ZSWIM6: variants seen among roughly 807,000 people sequenced by gnomAD.
The protein encoded by ZSWIM6 is zinc finger SWIM-type containing 6, also known as zinc finger SWIM domain-containing protein 6.
ZSWIM6 carries 9 observed loss-of-function variants against 113.2 expected under a neutral mutation model. The ratio of observed to expected loss-of-function variants is 0.08; its 90% CI spans 0.05 to 0.14. ZSWIM6 has a LOEUF of 0.14. Ranked by LOEUF, ZSWIM6 falls within the 10% of genes least tolerant of loss-of-function variation. The pLI, the probability that ZSWIM6 is intolerant of heterozygous loss-of-function variation, is 1.00. For synonymous variants in ZSWIM6, 611 were observed against 606.5 expected (o/e 1.01, Z -0.11); for missense variants, 1,162 against 1,552.2 (o/e 0.75, Z 4.22).
intron 1 of ZSWIM6, chr5:61,347,159 C>G (rs1744675666): frequency 6.4e-6 from 1 of 155,608 alleles, no homozygotes; most frequent in African/African-American, 2.4e-5. Flanking sequence ...TGAATTGTAC[C>G]CATCCCTAAA....
At chr5:61,471,937 T>C (rs1037057863) in intron 1 of ZSWIM6, among the ~76,000 whole-genome samples, 43 of 151,912 alleles carry the variant, frequency 2.8e-4, no homozygotes, top group African/African-American at 9.7e-4. Context: ...TTTGTGTGTG[T>C]GTGTGTGTGT....
intron 12 of ZSWIM6, 66 bp from the exon 13 acceptor site, chr5:61,541,817 TC>T (rs1032666502): frequency 1.3e-4 from 177 of 1,330,758 alleles, no homozygotes; most frequent in Middle Eastern, 1.8e-4. Flanking sequence ...TTATAGTTTA[TC>T]CCCCCCCTTT....
intron 4 of ZSWIM6, among the ~76,000 whole-genome samples, chr5:61,504,788 A>C (rs1748556125): frequency 6.7e-6 from 1 of 150,242 alleles, no homozygotes; most frequent in Admixed American, 6.6e-5. Flanking sequence ...GGAAGCACTT[A>C]TGCGTAAATA....
At chr5:61,530,222 A>G (rs1014403584) in intron 8 of ZSWIM6, 24 bp downstream of exon 8, 20 of 1,529,212 alleles carry the variant, frequency 1.3e-5, no homozygotes, top group African/African-American at 4.2e-5. Flanking sequence ...CATTTGTCTC[A>G]TGTGCTTTTC....
At chr5:61,332,969 G>C in intron 1 of ZSWIM6, 21 bp downstream of exon 1, 1 of 1,250,070 alleles carries the variant, frequency 8.0e-7, no homozygotes, top group Non-Finnish European at 1.0e-6. Flanking sequence ...GGGCAGCCGC[G>C]AGCCGTCTGT....
intron 5 of ZSWIM6, 106 bp from the exon 6 acceptor site, chr5:61,525,694 A>G (rs1244327089): frequency 7.6e-7 from 1 of 1,317,652 alleles, no homozygotes; most frequent in East Asian, 2.5e-5. Flanking sequence ...GGTGCAGGAC[A>G]ATGTGTGTGG....
At chr5:61,433,119 G>T (rs1579993864) in intron 1 of ZSWIM6, among the ~76,000 whole-genome samples, 2 of 152,164 alleles carry the variant, frequency 1.3e-5, no homozygotes, top group East Asian at 3.9e-4. Context: ...TTGAAAATTT[G>T]TTTTTCTTAA....
intron 1 of ZSWIM6, chr5:61,375,442 A>T: frequency 1.3e-6 from 2 of 1,525,536 alleles, no homozygotes; most frequent in Admixed American, 3.9e-5. Flanking sequence ...TTCTTCATCA[A>T]GCTCTGATTC....
intron 1 of ZSWIM6, among the ~76,000 whole-genome samples, chr5:61,397,321 A>G (rs761674010): frequency 2.6e-5 from 4 of 152,264 alleles, no homozygotes; most frequent in Non-Finnish European, 5.9e-5. Context: ...CATTGGATTT[A>G]CCACTGATAA....
intron 9 of ZSWIM6, among the ~76,000 whole-genome samples, chr5:61,534,170 A>G (rs1333922237): frequency 2.6e-5 from 4 of 152,216 alleles, no homozygotes; most frequent in African/African-American, 7.2e-5. Flanking sequence ...TATATGAACA[A>G]AAGGTGCAGT....
intron 10 of ZSWIM6, 97 bp downstream of exon 10, chr5:61,535,716 G>A: frequency 7.0e-7 from 1 of 1,420,068 alleles, no homozygotes; most frequent in African/African-American, 1.4e-5. Context: ...CTTATAGGCA[G>A]CAGAAAAGCT....
chr5:61,475,639 A>G (rs1051629525), intron 2 of ZSWIM6, among the ~76,000 whole-genome samples: 2 of 152,154 alleles, frequency 1.3e-5, no homozygotes, highest in Admixed American at 6.5e-5. Context: ...AAATGGACCA[A>G]TTACATGAGC....
intron 4 of ZSWIM6, among the ~76,000 whole-genome samples, chr5:61,497,393 T>A (rs1748352189): frequency 6.6e-6 from 1 of 152,218 alleles, no homozygotes; most frequent in Non-Finnish European, 1.5e-5. Context: ...CAAGTGAATA[T>A]ATGAAAACTT....
intron 1 of ZSWIM6, among the ~76,000 whole-genome samples, chr5:61,417,209 G>A (rs770791655): frequency 2.0e-4 from 30 of 152,164 alleles, no homozygotes; most frequent in Non-Finnish European, 3.8e-4. Flanking sequence ...AAATTAGGTT[G>A]GAACTGTAGT....
At chr5:61,349,189 C>G (rs1744733342) in intron 1 of ZSWIM6, among the ~76,000 whole-genome samples, 1 of 151,962 alleles carries the variant, frequency 6.6e-6, no homozygotes, top group Non-Finnish European at 1.5e-5. Context: ...TATTTCTAGT[C>G]TTGTTTTTTT....
At chr5:61,333,094 C>G in intron 1 of ZSWIM6, 146 bp downstream of exon 1, 1 of 912,468 alleles carries the variant, frequency 1.1e-6, no homozygotes, top group Non-Finnish European at 1.4e-6. Context: ...GACGGTCCTC[C>G]TGAGCGGAGC....
At chr5:61,349,924 C>A (rs1197671697) in intron 1 of ZSWIM6, among the ~76,000 whole-genome samples, 1 of 152,142 alleles carries the variant, frequency 6.6e-6, no homozygotes, top group African/African-American at 2.4e-5. Context: ...CACATAACTT[C>A]AGAATATCCC....
intron 11 of ZSWIM6, among the ~76,000 whole-genome samples, 174 bp from the exon 12 acceptor site, chr5:61,539,422 T>G: frequency 6.6e-6 from 1 of 152,212 alleles, no homozygotes; most frequent in East Asian, 1.9e-4. Flanking sequence ...GGAGCCCTAG[T>G]TGTAACACCT....
chr5:61,519,874 A>G (rs1456677626), intron 4 of ZSWIM6, among the ~76,000 whole-genome samples: 1 of 152,144 alleles, frequency 6.6e-6, no homozygotes, highest in Non-Finnish European at 1.5e-5. Context: ...ATTATCAGGC[A>G]TTAGTTAGAT....
Sources: allele counts gnomAD v4.1 joint callset (sites outside exome capture counted in the v4.1 genomes callset), GRCh38; gene constraint gnomAD v4.1.1; transcripts MANE v1.5; gene names NCBI Gene and HGNC (gene_info 2026-07-23, HGNC 2026-07-21).